Variants in WWOX observed in about 807,000 individuals in gnomAD.
The protein encoded by WWOX is WW domain-containing oxidoreductase.
In WWOX, 69 loss-of-function variants were observed where a neutral mutation model predicts 46.2. The ratio of observed to expected loss-of-function variants is 1.49; its 90% confidence interval spans 1.23 to 1.82. The LOEUF is 1.82. Among genes scored for constraint, WWOX ranks in the 40% most tolerant of loss-of-function variants. The probability of loss-of-function intolerance (pLI) is 0.00; values close to 1 mark genes in which losing one functional copy is unlikely to be tolerated. For missense variants in WWOX, 919 were observed against 542.6 expected, an observed-to-expected ratio of 1.69 and a Z score of -6.89; for synonymous variants, 359 against 202.6, an observed-to-expected ratio of 1.77 and a Z score of -6.56.
intron 8 of WWOX, among the ~76,000 whole-genome samples, chr16:78,533,890 T>C (rs577770673): frequency 6.6e-6 from 1 of 152,292 alleles, no homozygotes; most frequent in East Asian, 1.9e-4. Flanking sequence ...TGAGGATGGA[T>C]GTGTGTCCAT....
In WWOX at chr16:79,212,200, C is replaced by T. The variant is rs951566181; in HGVS notation, c.*404C>T. On this transcript the variant is annotated 3_prime_UTR_variant, in exon 9 of 9. Transcript: ENST00000566780. ...GCAGCCGGGGGCTGGCCTTCTCCTACTTAGGGAAGAAAAAGCAAGTGTTCA... is the reference window on the plus strand; with the variant it reads ...GCAGCCGGGGGCTGGCCTTCTCCTATTTAGGGAAGAAAAAGCAAGTGTTCA... 6.9e-6 allele frequency: 10 copies of T among 1,452,192 alleles called. No individual in the cohort carries two copies. The African/African-American group carries it at 1.1e-4, about 17-fold the overall frequency. 90.0% of individuals were successfully genotyped at this position (1,452,192 alleles called of 1,614,324 possible).
At chr16:78,641,711 TGGATTA>T (rs1354536429) in intron 8 of WWOX, among the ~76,000 whole-genome samples, 1 of 152,116 alleles carries the variant, frequency 6.6e-6, no homozygotes, top group African/African-American at 2.4e-5. Flanking sequence ...GGTTTATGTA[TGGATTA>T]ACACAGTGAT....
intron 8 of WWOX, among the ~76,000 whole-genome samples, chr16:78,653,605 C>G (rs2738603): frequency 0.43 from 65,878 of 152,150 alleles, 16,643 homozygotes; most frequent in Middle Eastern, 0.59. Context: ...CTAGCAGTTG[C>G]CAGCTTGGGT....
chr16:78,640,203 G>A (rs906088968), intron 8 of WWOX, among the ~76,000 whole-genome samples: 2 of 139,286 alleles, frequency 1.4e-5, no homozygotes, highest in African/African-American at 5.3e-5. Flanking sequence ...GTGTGTGTGT[G>A]TGTGTTTTCT....
At chr16:78,405,674 G>A (rs534606669) in intron 6 of WWOX, among the ~76,000 whole-genome samples, 1 of 152,318 alleles carries the variant, frequency 6.6e-6, no homozygotes, top group East Asian at 1.9e-4. Context: ...AAAGTAGAAT[G>A]AGCATTTGAG....
chr16:78,812,023 C>T (rs1039273198), intron 8 of WWOX, among the ~76,000 whole-genome samples: 7 of 151,982 alleles, frequency 4.6e-5, no homozygotes, highest in African/African-American at 1.7e-4. Flanking sequence ...AGCTGTGGTT[C>T]TTACCCTCAT....
chr16:78,753,842 ATATATATATATATG>A (rs1354649515), intron 8 of WWOX, among the ~76,000 whole-genome samples: 1,650 of 107,812 alleles, frequency 0.015, 70 homozygotes, highest in African/African-American at 0.053. Flanking sequence ...ATATATATAT[ATATATATATATATG>A]TATATGTATA....
intron 8 of WWOX, among the ~76,000 whole-genome samples, chr16:78,600,379 C>T (rs2045593638): frequency 6.6e-6 from 1 of 152,084 alleles, no homozygotes. Flanking sequence ...ACGGAAACAG[C>T]CCCCCAGCTC....
intron 8 of WWOX, among the ~76,000 whole-genome samples, chr16:78,933,821 C>G (rs573228144): frequency 1.3e-5 from 2 of 152,116 alleles, no homozygotes; most frequent in East Asian, 3.9e-4. Flanking sequence ...CTTCCTCCCA[C>G]GACATTTGGG....
intron 8 of WWOX, among the ~76,000 whole-genome samples, chr16:78,557,483 CTT>C (rs1227203487): frequency 1.3e-5 from 2 of 152,086 alleles, no homozygotes; most frequent in East Asian, 3.9e-4. Flanking sequence ...ACCCCATTCT[CTT>C]CATTTCTGGA....
At chr16:78,428,859 C>T (rs900064019) in intron 7 of WWOX, among the ~76,000 whole-genome samples, 2 of 152,010 alleles carry the variant, frequency 1.3e-5, no homozygotes, top group African/African-American at 2.4e-5. Context: ...TAAGCAGAAA[C>T]CAAAAGCCCT....
chr16:78,572,125 T>C (rs906545325), intron 8 of WWOX, among the ~76,000 whole-genome samples: 3 of 152,194 alleles, frequency 2.0e-5, no homozygotes, highest in African/African-American at 7.2e-5. Context: ...AGCTCAGGAA[T>C]GTTTCTGGTG....
chr16:78,728,238 T>C (rs1453256511), intron 8 of WWOX, among the ~76,000 whole-genome samples: 1 of 151,794 alleles, frequency 6.6e-6, no homozygotes, highest in South Asian at 2.1e-4. Context: ...TTGATTTTTG[T>C]ATTTTTTGTA....
intron 8 of WWOX, among the ~76,000 whole-genome samples, chr16:78,827,195 A>G (rs1365413154): frequency 1.3e-5 from 2 of 152,120 alleles, no homozygotes; most frequent in African/African-American, 4.8e-5. Flanking sequence ...TGAAAGGGTA[A>G]ATGCATGAAA....
intron 5 of WWOX, among the ~76,000 whole-genome samples, chr16:78,354,830 T>C (rs555177811): frequency 1.1e-3 from 165 of 152,296 alleles, no homozygotes; most frequent in African/African-American, 3.9e-3. Context: ...AATTTTCATA[T>C]ATCATCAAAA....
intron 8 of WWOX, among the ~76,000 whole-genome samples, chr16:78,982,045 G>C: frequency 6.6e-6 from 1 of 152,226 alleles, no homozygotes; most frequent in East Asian, 1.9e-4. Context: ...ACCTATGCTG[G>C]GTGAAACGTG....
rs12598829 is a variant in WWOX, at chr16:78,237,236, T to C, written c.516+72947T>C. The C allele has an allele frequency of 9.2e-5, 14 of 152,292 alleles. No homozygotes were observed. The East Asian group carries it at 2.5e-3, about 27-fold the overall frequency. 9.4% of individuals were successfully genotyped at this position (152,292 alleles called of 1,614,324 possible). A position where few individuals can be genotyped will look rare whatever the true frequency, so the allele number is the denominator to read the frequency against. ...TAATGATGGCACTGAAAATGTGTAA[T>C]GGAAATGAGAAGTTTGTATCCTGCC... On this transcript the variant is annotated intron_variant, in intron 5 of 8. Transcript: ENST00000566780.
intron 8 of WWOX, among the ~76,000 whole-genome samples, chr16:78,966,166 A>G (rs1415113055): frequency 6.6e-6 from 1 of 152,198 alleles, no homozygotes; most frequent in African/African-American, 2.4e-5. Context: ...CCATGATATA[A>G]TTTATTTTTC....
At chr16:78,424,261 A>G (rs2151959498) in intron 6 of WWOX, among the ~76,000 whole-genome samples, 1 of 151,352 alleles carries the variant, frequency 6.6e-6, no homozygotes, top group Non-Finnish European at 1.5e-5. Context: ...GGGATTACAG[A>G]CATATACCAC....
Sources: allele counts gnomAD v4.1 joint callset (sites outside exome capture counted in the v4.1 genomes callset), GRCh38; gene constraint gnomAD v4.1.1; transcripts MANE v1.5; gene names NCBI Gene and HGNC (gene_info 2026-07-23, HGNC 2026-07-21).